Variants in PADI2 observed in about 807,000 individuals in gnomAD.
The protein encoded by PADI2 is protein-arginine deiminase type-2.
PADI2 carries 70 observed loss-of-function variants against 81.1 expected under a neutral mutation model. The ratio of observed to expected loss-of-function variants is 0.86; its 90% CI spans 0.71 to 1.05. PADI2 has a LOEUF of 1.05. Among genes scored for constraint, PADI2 ranks in the 50% least tolerant of loss-of-function variants. The probability of loss-of-function intolerance (pLI) is 0.00; values close to 1 mark genes in which losing one functional copy is unlikely to be tolerated. For synonymous variants in PADI2, 338 were observed against 358.0 expected (o/e 0.94, Z 0.63); for missense variants, 853 against 889.9 (o/e 0.96, Z 0.53).
At chr1:17,101,773 T>C (rs1354813451) in intron 3 of PADI2, among the ~76,000 whole-genome samples, 1 of 152,194 alleles carries the variant, frequency 6.6e-6, no homozygotes. Flanking sequence ...GTGGGATAAC[T>C]GGAATGATTG....
chr1:17,070,645 A>G (rs139374468), intron 14 of PADI2, among the ~76,000 whole-genome samples: 3 of 152,242 alleles, frequency 2.0e-5, no homozygotes, highest in East Asian at 3.9e-4. Flanking sequence ...CCTGTAATAT[A>G]GATGCTATTA....
chr1:17,112,592 G>T (rs1236708327), intron 1 of PADI2, among the ~76,000 whole-genome samples: 2 of 152,082 alleles, frequency 1.3e-5, no homozygotes, highest in South Asian at 4.1e-4. Context: ...GCAAGGACCA[G>T]CGGGGAGAAT....
intron 8 of PADI2, among the ~76,000 whole-genome samples, chr1:17,084,062 G>A (rs730387): frequency 0.33 from 49,730 of 151,950 alleles, 8,581 homozygotes; most frequent in East Asian, 0.61. Flanking sequence ...AAAATGAGGG[G>A]GGGAACTCTC....
chr1:17,086,986 C>T (rs911181755), intron 6 of PADI2, among the ~76,000 whole-genome samples: 9 of 152,156 alleles, frequency 5.9e-5, no homozygotes, highest in African/African-American at 1.9e-4. Context: ...TAGGAAATTG[C>T]CAGCTGAGCA....
At chr1:17,118,506 C>T (rs1931832026) in intron 1 of PADI2, among the ~76,000 whole-genome samples, 1 of 152,088 alleles carries the variant, frequency 6.6e-6, no homozygotes, top group Non-Finnish European at 1.5e-5. Flanking sequence ...TAGGGCCCTA[C>T]CCTACCTTCA....
Position 17,086,630 on chromosome 1 carries a change from G to C in PADI2, c.725C>G (p.Thr242Arg). 6.2e-7 allele frequency: 1 copy of C among 1,613,992 alleles called. No homozygotes were observed. Among genetic ancestry groups the C allele is most frequent in the Non-Finnish European group, 8.5e-7 (1 of 1,179,896 alleles). Residue 242 changes from threonine (T) to arginine (R), a missense_variant, in exon 7 of 16, where the codon ACG (threonine) becomes AGG (arginine). Thr to Arg is a moderately conservative substitution (Grantham distance 71). Transcript: ENST00000375486. ...RRKLYHVVKY[T>R]GGSAELLFFV... ...GAACAGCAGCTCCGCGGAGCCACCC[G>C]TGTACTTGACCACATGGTAGAGCTT... is the stretch of plus-strand genomic sequence containing the variant.
At chr1:17,080,054 G>A (rs545896976) in intron 10 of PADI2, among the ~76,000 whole-genome samples, 46 of 152,256 alleles carry the variant, frequency 3.0e-4, no homozygotes, top group African/African-American at 1.1e-3. Context: ...GCCTCCCAAA[G>A]TGCTGGGATT....
intron 3 of PADI2, among the ~76,000 whole-genome samples, chr1:17,097,455 C>T (rs1241869109): frequency 6.6e-6 from 1 of 152,222 alleles, no homozygotes; most frequent in Non-Finnish European, 1.5e-5. Flanking sequence ...CCAGCCTCTG[C>T]AGCTGTGCGG....
Position 17,093,619 on chromosome 1 carries a change from TG to T in PADI2, c.476del (p.Thr159AsnfsTer26). 2 of 1,614,034 alleles carry T rather than the reference TG, an allele frequency of 1.2e-6. No homozygotes were observed. Among genetic ancestry groups the T allele is most frequent in the South Asian group, 1.1e-5 (1 of 91,064 alleles). On this transcript the variant is annotated frameshift_variant, in exon 5 of 16. Coordinates refer to ENST00000375486, the MANE Select transcript of PADI2 (RefSeq NM_007365.3). LOFTEE classifies it high-confidence loss of function. ...GGCAGTCCTCCTTGGGCAACCAGGG[TG>T]TCTCTCGGTCACAGTTCACCAGCAG... is the stretch of plus-strand genomic sequence containing the variant. ...AILLVNCDRE[T>X]PWLPKEDCRD...
chr1:17,117,055 G>A (rs6675839), intron 1 of PADI2, among the ~76,000 whole-genome samples: 1 of 151,926 alleles, frequency 6.6e-6, no homozygotes, highest in Admixed American at 6.6e-5. Context: ...GGGGACAGAG[G>A]TCAGGGATGC....
Position 17,092,502 on chromosome 1 carries a change from C to A in PADI2, c.561G>T (p.Arg187=). ...DLKDMSQMIL[R]TKGPDRLPAG... Reference sequence around the variant, plus strand: ...CGGGGAGGCGGTCGGGGCCTTTGGTCCGCAGGATCATCTGGGACATGTCCT... The same window carrying A: ...CGGGGAGGCGGTCGGGGCCTTTGGTACGCAGGATCATCTGGGACATGTCCT... Residue 187 remains arginine, a synonymous_variant, in exon 6 of 16, where the codon CGG becomes CGT. Coordinates refer to ENST00000375486, the MANE Select transcript of PADI2 (RefSeq NM_007365.3). The A allele has an allele frequency of 6.2e-7, 1 of 1,604,230 alleles. No homozygotes were observed. Among genetic ancestry groups the A allele is most frequent in the Non-Finnish European group, 8.5e-7 (1 of 1,176,004 alleles).
At chr1:17,090,498 GC>G (rs971616647) in intron 6 of PADI2, among the ~76,000 whole-genome samples, 9 of 152,226 alleles carry the variant, frequency 5.9e-5, no homozygotes, top group Admixed American at 1.3e-4. Context: ...CCACAGGGGT[GC>G]CTGGAATTTG....
intron 2 of PADI2, 42 bp downstream of exon 2, chr1:17,104,836 A>G: frequency 6.6e-7 from 1 of 1,504,008 alleles, no homozygotes; most frequent in Non-Finnish European, 8.9e-7. Flanking sequence ...CTATCCTGGC[A>G]TGGTCCCGGG....
chr1:17,094,340 C>T (rs899365117), intron 4 of PADI2, among the ~76,000 whole-genome samples: 1 of 152,182 alleles, frequency 6.6e-6, no homozygotes, highest in African/African-American at 2.4e-5. Context: ...CTTTCTGCTC[C>T]CAAAAGACTC....
At position 17,068,353 on chromosome 1, in the gene PADI2, T is replaced by A. The variant is rs2078237593; in HGVS notation, c.*691A>T. The A allele has an allele frequency of 6.5e-6, 1 of 152,674 alleles. No homozygotes were observed. Among genetic ancestry groups the A allele is most frequent in the African/African-American group, 2.4e-5 (1 of 41,468 alleles). The allele number at this position is 152,674 out of a possible 1,614,324, so 9.5% of individuals were successfully genotyped here. ...ATGCATGCGGGGGAGCCTGCATCCC[T>A]GAGACAGATGAGGCAAAAGGAGCAT... On this transcript the variant is annotated 3_prime_UTR_variant, in exon 16 of 16. Transcript: ENST00000375486.
chr1:17,070,313 C>T, intron 14 of PADI2, 97 bp from the exon 15 acceptor site: 7 of 1,498,622 alleles, frequency 4.7e-6, no homozygotes, highest in Non-Finnish European at 5.5e-6. Flanking sequence ...GGCCAGGGGC[C>T]CCGGCACTCC....
intron 13 of PADI2, among the ~76,000 whole-genome samples, chr1:17,074,614 A>G (rs2295052): frequency 0.6 from 91,308 of 152,010 alleles, 27,826 homozygotes; most frequent in Middle Eastern, 0.7. Flanking sequence ...AAGATGCGCT[A>G]TGCACTGCTG....
chr1:17,074,833 G>A, intron 13 of PADI2, 23 bp downstream of exon 13: 1 of 1,528,498 alleles, frequency 6.5e-7, no homozygotes, highest in Non-Finnish European at 9.0e-7. Flanking sequence ...GCCACTTCCT[G>A]TCAAGGCCCT....
intron 6 of PADI2, among the ~76,000 whole-genome samples, chr1:17,091,286 C>G (rs914811214): frequency 6.7e-6 from 1 of 148,982 alleles, no homozygotes; most frequent in Admixed American, 6.8e-5. Context: ...TCCTGGCCCC[C>G]CTAGGCAGCT....
Sources: gnomAD v4.1 joint callset for allele counts (sites outside exome capture counted in the v4.1 genomes callset) on GRCh38, gnomAD v4.1.1 for gene constraint, MANE v1.5 for transcripts, NCBI Gene and HGNC (gene_info 2026-07-23, HGNC 2026-07-21) for gene names.